GRM5: variants seen among roughly 807,000 people sequenced by gnomAD.
The protein encoded by GRM5 is metabotropic glutamate receptor 5.
In GRM5, 19 loss-of-function variants were observed where a neutral mutation model predicts 83.1. The observed-to-expected ratio is 0.23, with a 90% confidence interval of 0.16 to 0.34. The LOEUF (loss-of-function observed/expected upper bound fraction) is 0.34, where lower values mean the gene tolerates loss of function less well. Ranked by LOEUF, GRM5 falls within the 10% of genes least tolerant of loss-of-function variation. GRM5 has a pLI of 1.00. For synonymous variants in GRM5, 675 were observed against 633.6 expected, an observed-to-expected ratio of 1.07 and a Z score of -0.98; for missense variants, 1,160 against 1,588.3, an observed-to-expected ratio of 0.73 and a Z score of 4.58.
At chr11:88,546,689 G>A (rs960783805) in intron 8 of GRM5, among the ~76,000 whole-genome samples, 1 of 152,024 alleles carries the variant, frequency 6.6e-6, no homozygotes, top group Admixed American at 6.6e-5. Context: ...TTTGTACGTG[G>A]TGTAAGCTTG....
At chr11:88,679,837 C>T (rs568887975) in intron 3 of GRM5, among the ~76,000 whole-genome samples, 4 of 152,082 alleles carry the variant, frequency 2.6e-5, no homozygotes, top group South Asian at 4.2e-4. Context: ...CTCAACAAAT[C>T]GATTTTAAAT....
At chr11:89,015,545 C>T (rs763744475) in intron 2 of GRM5, among the ~76,000 whole-genome samples, 6 of 152,132 alleles carry the variant, frequency 3.9e-5, no homozygotes, top group African/African-American at 1.2e-4. Context: ...AGTCTGCCCT[C>T]GTGGATATCT....
intron 9 of GRM5, among the ~76,000 whole-genome samples, chr11:88,513,420 G>A (rs1591313576): frequency 6.6e-6 from 1 of 152,146 alleles, no homozygotes; most frequent in Non-Finnish European, 1.5e-5. Flanking sequence ...AAATAATTCA[G>A]TGTTAATGAA....
chr11:88,637,551 A>G (rs1178075561), intron 4 of GRM5, among the ~76,000 whole-genome samples: 1 of 151,332 alleles, frequency 6.6e-6, no homozygotes, highest in Non-Finnish European at 1.5e-5. Context: ...AACACATGAA[A>G]AAATGCTCAC....
chr11:88,931,440 T>TA (rs5793361), intron 2 of GRM5, among the ~76,000 whole-genome samples: 137,292 of 146,544 alleles, frequency 0.94, 64,385 homozygotes, highest in East Asian at 0.98. Flanking sequence ...AGAACCAAAG[T>TA]AAAAAAAAAA....
chr11:89,004,996 C>A (rs1229057546), intron 2 of GRM5, among the ~76,000 whole-genome samples: 1 of 152,172 alleles, frequency 6.6e-6, no homozygotes, highest in Non-Finnish European at 1.5e-5. Flanking sequence ...AATGATTCCA[C>A]CTCCAAAACT....
intron 3 of GRM5, among the ~76,000 whole-genome samples, chr11:88,809,262 T>G (rs1435275114): frequency 6.6e-6 from 1 of 152,192 alleles, no homozygotes; most frequent in Middle Eastern, 3.4e-3. Context: ...TATTTTCTTA[T>G]GTTTCATCAG....
intron 7 of GRM5, among the ~76,000 whole-genome samples, 194 bp from the exon 8 acceptor site, chr11:88,568,186 A>G (rs901075323): frequency 6.6e-6 from 1 of 152,212 alleles, no homozygotes; most frequent in African/African-American, 2.4e-5. Context: ...CTGAACATGT[A>G]CATGGTCTGT....
intron 5 of GRM5, among the ~76,000 whole-genome samples, chr11:88,601,530 T>G (rs1488809001): frequency 1.3e-5 from 2 of 152,212 alleles, no homozygotes; most frequent in African/African-American, 2.4e-5. Context: ...CTACTTAATA[T>G]TGAGTCACTT....
chr11:88,845,926 T>C (rs150124582), intron 3 of GRM5, among the ~76,000 whole-genome samples: 4,184 of 152,290 alleles, frequency 0.027, 194 homozygotes, highest in African/African-American at 0.094. Flanking sequence ...CTCTGGGGAA[T>C]AGCCACTATC....
At chr11:88,711,985 A>G (rs565741300) in intron 3 of GRM5, among the ~76,000 whole-genome samples, 1 of 152,190 alleles carries the variant, frequency 6.6e-6, no homozygotes, top group Admixed American at 6.6e-5. Context: ...TTCATTTTGC[A>G]TCTCAGGAAC....
chr11:88,537,980 A>G (rs1942173839), intron 8 of GRM5, among the ~76,000 whole-genome samples: 2 of 152,142 alleles, frequency 1.3e-5, no homozygotes, highest in Admixed American at 1.3e-4. Context: ...AGGAATTAAA[A>G]AGTAAAAAAT....
chr11:88,728,568 C>T (rs921913962), intron 3 of GRM5, among the ~76,000 whole-genome samples: 2 of 151,878 alleles, frequency 1.3e-5, no homozygotes. Flanking sequence ...AGAGACACAA[C>T]AAAAAAAGAA....
intron 2 of GRM5, among the ~76,000 whole-genome samples, chr11:88,861,639 T>A (rs1459631582): frequency 1.3e-5 from 2 of 151,996 alleles, no homozygotes; most frequent in Non-Finnish European, 2.9e-5. Flanking sequence ...ATAATTTTTG[T>A]ATTTTTTTGT....
intron 2 of GRM5, among the ~76,000 whole-genome samples, chr11:88,955,656 G>A (rs1196574400): frequency 6.6e-6 from 1 of 151,970 alleles, no homozygotes; most frequent in Non-Finnish European, 1.5e-5. Flanking sequence ...AATGTATCCT[G>A]AACTTTCTTG....
chr11:88,509,364 G>C lies in GRM5; in HGVS notation c.2867C>G (p.Thr956Arg). 1 of 1,611,636 alleles carries C rather than the reference G, an allele frequency of 6.2e-7. No homozygotes were observed. The highest frequency in any genetic ancestry group is 8.5e-7 in the Non-Finnish European group (1 of 1,179,590). Residue 956 changes from threonine (T) to arginine (R), a missense_variant, in exon 10 of 10, where the codon ACG (threonine) becomes AGG (arginine). This residue lies in a region of GRM5 where 562 missense variants were observed against 532.4 expected (regional missense o/e 1.06). Transcript: ENST00000305447. Reference sequence around the variant, plus strand: ...GCCAGCGCCCAGGCCACGGCTCTCCGTGCTCTTGGGGAAGGGCTTGATGAC... The same window carrying C: ...GCCAGCGCCCAGGCCACGGCTCTCCCTGCTCTTGGGGAAGGGCTTGATGAC... Reference protein sequence around the residue: ...TAVIKPFPKSTESRGLGAGAG... With the variant: ...TAVIKPFPKSRESRGLGAGAG...
chr11:88,544,223 G>A (rs1035545089), intron 8 of GRM5, among the ~76,000 whole-genome samples: 1 of 152,148 alleles, frequency 6.6e-6, no homozygotes, highest in East Asian at 1.9e-4. Flanking sequence ...TACCCAGTCC[G>A]TGGTATTCTC....
chr11:88,530,523 T>C (rs981187527), intron 8 of GRM5, among the ~76,000 whole-genome samples: 2 of 152,190 alleles, frequency 1.3e-5, no homozygotes, highest in South Asian at 2.1e-4. Flanking sequence ...CAAGAGCCTA[T>C]ACTCATCTGG....
At chr11:89,001,155 T>C (rs1940364394) in intron 2 of GRM5, among the ~76,000 whole-genome samples, 2 of 151,872 alleles carry the variant, frequency 1.3e-5, no homozygotes, top group South Asian at 2.1e-4. Flanking sequence ...GGTTTCTTGG[T>C]GGAAAAAAAA....
Sources: gnomAD v4.1 joint callset for allele counts (sites outside exome capture counted in the v4.1 genomes callset) on GRCh38, gnomAD v4.1.1 for gene constraint, gnomAD v4.1.1 regional missense constraint, MANE v1.5 for transcripts, NCBI Gene and HGNC (gene_info 2026-07-23, HGNC 2026-07-21) for gene names.